The following DSCAM variants were observed in gnomAD, a reference collection of about 807,000 sequenced individuals.
The protein encoded by DSCAM is DS cell adhesion molecule, also known as cell adhesion molecule DSCAM.
In DSCAM, 47 loss-of-function variants were observed where a neutral mutation model predicts 217.7. The observed-to-expected ratio is 0.22, with a 90% CI of 0.17 to 0.28. The LOEUF is 0.28. Among genes scored for constraint, DSCAM ranks in the 10% least tolerant of loss-of-function variants. The probability of loss-of-function intolerance (pLI) is 1.00; values close to 1 mark genes in which losing one functional copy is unlikely to be tolerated. For missense variants in DSCAM, 2,080 were observed against 2,618.3 expected, an observed-to-expected ratio of 0.79 and a Z score of 4.49; for synonymous variants, 1,056 against 1,015.3, an observed-to-expected ratio of 1.04 and a Z score of -0.76.
At chr21:40,210,746 T>C (rs1601444167) in intron 11 of DSCAM, among the ~76,000 whole-genome samples, 1 of 152,324 alleles carries the variant, frequency 6.6e-6, no homozygotes, top group South Asian at 2.1e-4. Flanking sequence ...GGTTCCACCA[T>C]GTTGGCCAGG....
At chr21:40,103,107 G>A (rs2089775441) in intron 20 of DSCAM, among the ~76,000 whole-genome samples, 1 of 152,216 alleles carries the variant, frequency 6.6e-6, no homozygotes, top group Non-Finnish European at 1.5e-5. Flanking sequence ...AGGAAATAAT[G>A]AGGATAAAAT....
chr21:40,399,088 T>C (rs1444889787), intron 3 of DSCAM, among the ~76,000 whole-genome samples: 1 of 152,106 alleles, frequency 6.6e-6, no homozygotes, highest in Non-Finnish European at 1.5e-5. Context: ...CTGAGCAACA[T>C]AGCCAGACCT....
At chr21:40,221,371 G>A (rs1349281393) in intron 11 of DSCAM, among the ~76,000 whole-genome samples, 1 of 149,908 alleles carries the variant, frequency 6.7e-6, no homozygotes, top group African/African-American at 2.4e-5. Flanking sequence ...GTATAATAAT[G>A]TGTACGTGTA....
chr21:40,143,824 C>G (rs987816989), intron 17 of DSCAM, among the ~76,000 whole-genome samples: 1 of 152,204 alleles, frequency 6.6e-6, no homozygotes, highest in Non-Finnish European at 1.5e-5. Context: ...ACTAACTGCA[C>G]AAGAGGTAAA....
At chr21:40,350,628 G>C (rs1359808526) in intron 5 of DSCAM, among the ~76,000 whole-genome samples, 1 of 152,074 alleles carries the variant, frequency 6.6e-6, no homozygotes, top group Admixed American at 6.6e-5. Context: ...TAGAGACATA[G>C]CACATGTGGA....
At chr21:40,617,591 T>G (rs2089421057) in intron 3 of DSCAM, among the ~76,000 whole-genome samples, 1 of 152,222 alleles carries the variant, frequency 6.6e-6, no homozygotes, top group Admixed American at 6.5e-5. Context: ...TGTAGACATT[T>G]GGAGTCAGAC....
chr21:40,520,300 GA>G (rs1163835217), intron 3 of DSCAM, among the ~76,000 whole-genome samples: 1 of 152,064 alleles, frequency 6.6e-6, no homozygotes, highest in Non-Finnish European at 1.5e-5. Context: ...CTTTCTTCAA[GA>G]GAAAATAATT....
intron 1 of DSCAM, among the ~76,000 whole-genome samples, chr21:40,776,376 A>G (rs1301249944): frequency 6.6e-6 from 1 of 152,182 alleles, no homozygotes; most frequent in East Asian, 1.9e-4. Flanking sequence ...TCAGCTGCCC[A>G]CTTCTATTTG....
At chr21:40,545,545 C>G (rs1168016797) in intron 3 of DSCAM, among the ~76,000 whole-genome samples, 1 of 152,176 alleles carries the variant, frequency 6.6e-6, no homozygotes. Flanking sequence ...AGACAGACCA[C>G]AGAGAAGTCA....
At chr21:40,694,039 A>C (rs967743926) in intron 2 of DSCAM, among the ~76,000 whole-genome samples, 1 of 152,094 alleles carries the variant, frequency 6.6e-6, no homozygotes, top group African/African-American at 2.4e-5. Flanking sequence ...CGTAGGTGAA[A>C]ATTCAACAGT....
At chr21:40,598,345 C>T (rs1026838599) in intron 3 of DSCAM, among the ~76,000 whole-genome samples, 5 of 152,224 alleles carry the variant, frequency 3.3e-5, no homozygotes, top group East Asian at 3.9e-4. Flanking sequence ...AAGAACACTT[C>T]GGTTGATTTT....
rs555357143 is a variant in DSCAM, at chr21:40,198,077, C to T, written c.2357-8839G>A. On this transcript the variant is annotated intron_variant, in intron 11 of 32. Coordinates refer to ENST00000400454, the MANE Select transcript of DSCAM (RefSeq NM_001389.5). Reference sequence around the variant, plus strand: ...CTCCTCATAAAGTCCTTGAAATTTCCACTTTCTCAGCTGCAAGGCAAGACC... The same window carrying T: ...CTCCTCATAAAGTCCTTGAAATTTCTACTTTCTCAGCTGCAAGGCAAGACC... 1.5e-4 allele frequency among the ~76,000 whole-genome samples: 23 copies of T among 152,204 alleles called. No individual in the cohort carries two copies. In the South Asian group the frequency reaches 4.4e-3, roughly 29 times the overall value.
rs2091532537 is a variant in DSCAM, at chr21:40,780,425, A to ATATATATATATATC, written c.43+66193_43+66194insGATATATATATATA. ...TGTGTGTGTGTGTGTGTGTGTGTGT[A>ATATATATATATATC]TATATATATATATATATATATATCT... On this transcript the variant is annotated intron_variant, in intron 1 of 32. Coordinates refer to ENST00000400454, the MANE Select transcript of DSCAM (RefSeq NM_001389.5). Among the ~76,000 whole-genome samples, 3 of 61,266 alleles carry ATATATATATATATC rather than the reference A, an allele frequency of 4.9e-5. 1 individual carries two copies. The highest frequency in any genetic ancestry group is 9.2e-5 in the Non-Finnish European group (3 of 32,722). The allele number at this position is 61,266 out of a possible 152,430, so 40.2% of individuals were successfully genotyped here. A position where few individuals can be genotyped will look rare whatever the true frequency, so the allele number is the denominator to read the frequency against.
chr21:40,160,795 T>C (rs887485137), intron 16 of DSCAM, among the ~76,000 whole-genome samples: 1 of 152,230 alleles, frequency 6.6e-6, no homozygotes, highest in Non-Finnish European at 1.5e-5. Flanking sequence ...CTAACCGTTA[T>C]ACAAAAAATC....
chr21:40,397,939 C>A (rs1489582648), intron 3 of DSCAM, among the ~76,000 whole-genome samples: 1 of 152,142 alleles, frequency 6.6e-6, no homozygotes, highest in African/African-American at 2.4e-5. Flanking sequence ...ATTACTACTG[C>A]AACAATTACC....
Position 40,144,807 on chromosome 21 carries a change from T to C in DSCAM, c.3019-76A>G, listed in dbSNP as rs1360803388. ...AGCGAAATCAACGCCCACACCCACG[T>C]AGGAAAGCAGAAATAAAGTGGAGTC... On this transcript the variant is annotated intron_variant, in intron 16 of 32. Transcript: ENST00000400454. The surrounding 1 kb of genome is among the most constrained non-coding windows in gnomAD (Gnocchi z 4.8). 1 of 1,585,154 alleles carries C rather than the reference T, an allele frequency of 6.3e-7. No individual in the cohort carries two copies. The highest frequency in any genetic ancestry group is 8.6e-7 in the Non-Finnish European group (1 of 1,166,126).
intron 3 of DSCAM, among the ~76,000 whole-genome samples, chr21:40,545,875 C>T (rs1240328679): frequency 1.3e-5 from 2 of 152,200 alleles, no homozygotes; most frequent in Non-Finnish European, 2.9e-5. Context: ...ACTGGAGTGG[C>T]CACGTGTCAA....
intron 15 of DSCAM, among the ~76,000 whole-genome samples, chr21:40,175,972 G>A (rs558593090): frequency 6.6e-6 from 1 of 151,720 alleles, no homozygotes; most frequent in East Asian, 2.0e-4. Context: ...CCCCTGATGT[G>A]GAGGGGGCCA....
At position 40,085,632 on chromosome 21, in the gene DSCAM, C is replaced by G; in HGVS notation, c.4102G>C (p.Asp1368His). Residue 1368 changes from aspartate to histidine, a missense_variant, in exon 23 of 33, where the codon GAT (aspartate) becomes CAT (histidine). Transcript: ENST00000400454. ...SCIANNNWGS[D>H]EIILNLQVQV... ...ACTTGTAAGTTTAAAATAATTTCAT[C>G]AGATCCCCAGTTGTTATTGGCAATG... 1 of 1,573,422 alleles carries G rather than the reference C, an allele frequency of 6.4e-7. No homozygotes were observed. The highest frequency in any genetic ancestry group is 8.7e-7 in the Non-Finnish European group (1 of 1,149,474).
Sources: gnomAD v4.1 joint callset for allele counts (sites outside exome capture counted in the v4.1 genomes callset) on GRCh38, gnomAD v4.1.1 for gene constraint, Gnocchi (gnomAD v3.1) non-coding constraint, MANE v1.5 for transcripts, NCBI Gene and HGNC (gene_info 2026-07-23, HGNC 2026-07-21) for gene names.